ARHGAP10: variants seen among roughly 807,000 people sequenced by gnomAD.
ARHGAP10 encodes Rho GTPase activating protein 10, also known as rho GTPase-activating protein 10.
ARHGAP10 carries 87 observed loss-of-function variants against 108.6 expected under a neutral mutation model. The ratio of observed to expected loss-of-function variants is 0.80; its 90% CI spans 0.67 to 0.96. The LOEUF is 0.96. Among genes scored for constraint, ARHGAP10 ranks in the 40% least tolerant of loss-of-function variants. ARHGAP10 has a pLI of 0.00. For missense variants in ARHGAP10, 939 were observed against 954.5 expected (o/e 0.98, Z 0.21); for synonymous variants, 347 against 341.1 (o/e 1.02, Z -0.19).
At chr4:147,772,033 G>T (rs1201621623) in intron 1 of ARHGAP10, among the ~76,000 whole-genome samples, 1 of 152,142 alleles carries the variant, frequency 6.6e-6, no homozygotes, top group East Asian at 1.9e-4. Context: ...CTCGGGATCT[G>T]CCCTCCTCGG....
chr4:147,924,120 C>T (rs1737355942), intron 13 of ARHGAP10, among the ~76,000 whole-genome samples: 1 of 152,196 alleles, frequency 6.6e-6, no homozygotes, highest in Admixed American at 6.5e-5. Flanking sequence ...AATCCAGGCA[C>T]ATCAGGACTG....
chr4:148,032,599 GAT>G (rs1010657704), intron 19 of ARHGAP10, among the ~76,000 whole-genome samples: 1 of 152,154 alleles, frequency 6.6e-6, no homozygotes, highest in Non-Finnish European at 1.5e-5. Context: ...GCTCTAAAGA[GAT>G]AGAATGAATA....
At chr4:147,874,020 T>G (rs1415212688) in intron 7 of ARHGAP10, among the ~76,000 whole-genome samples, 2 of 151,894 alleles carry the variant, frequency 1.3e-5, no homozygotes, top group Non-Finnish European at 2.9e-5. Context: ...GCTCTTAGTT[T>G]GTGTTTAAAA....
At chr4:147,852,918 C>T (rs147337502) in intron 4 of ARHGAP10, among the ~76,000 whole-genome samples, 1 of 151,920 alleles carries the variant, frequency 6.6e-6, no homozygotes, top group South Asian at 2.1e-4. Context: ...GGGGGTTTCA[C>T]CATGTTGGTC....
chr4:147,886,812 C>T (rs760024045), intron 10 of ARHGAP10, among the ~76,000 whole-genome samples: 17 of 152,142 alleles, frequency 1.1e-4, no homozygotes, highest in Non-Finnish European at 2.5e-4. Flanking sequence ...GCTCTGTCAC[C>T]CAGGCTGGAG....
chr4:147,885,293 C>A (rs1274565629), intron 10 of ARHGAP10, among the ~76,000 whole-genome samples: 6 of 152,012 alleles, frequency 3.9e-5, no homozygotes, highest in Admixed American at 3.9e-4. Context: ...GTTGGGGAGG[C>A]CTCATAATCA....
At chr4:148,063,081 ATGT>A in intron 20 of ARHGAP10, 64 bp from the exon 21 acceptor site, 1 of 1,561,806 alleles carries the variant, frequency 6.4e-7, no homozygotes, top group Non-Finnish European at 8.8e-7. Flanking sequence ...TGGGATTGGG[ATGT>A]TGTGCATTTC....
chr4:147,900,637 T>C (rs1479941359), intron 10 of ARHGAP10, among the ~76,000 whole-genome samples: 1 of 152,190 alleles, frequency 6.6e-6, no homozygotes, highest in Non-Finnish European at 1.5e-5. Context: ...GGCAGTGTTC[T>C]CAGCTGAACC....
chr4:147,762,499 C>CTTATTTATTTATTTTAT (rs1553946988), intron 1 of ARHGAP10, among the ~76,000 whole-genome samples: 2 of 147,974 alleles, frequency 1.4e-5, no homozygotes, highest in African/African-American at 5.0e-5. Flanking sequence ...AAGATAATTG[C>CTTATTTATTTATTTTAT]TTATTTATTT....
rs1240174431 is a variant in ARHGAP10, at chr4:147,864,879, T to G, written c.520T>G (p.Phe174Val). 1.2e-6 allele frequency: 2 copies of G among 1,614,092 alleles called. No homozygotes were observed. Among genetic ancestry groups the G allele is most frequent in the Non-Finnish European group, 1.7e-6 (2 of 1,179,970 alleles). Residue 174 changes from phenylalanine to valine, a missense_variant, in exon 6 of 23, where the codon TTC becomes GTC. Phe to Val is a conservative substitution (Grantham distance 50). Coordinates refer to ENST00000336498, the MANE Select transcript of ARHGAP10 (RefSeq NM_024605.4). ...DIQVEQNRQH[F>V]YELSLEYVCK... ...CCAAGTAGAGCAGAACCGGCAACAC[T>G]TCTATGAACTGTCTCTCGAGTATGT...
rs145509889 is a variant in ARHGAP10 at position 147,893,190 on chromosome 4, C to T, written c.1034+11258C>T. Among the ~76,000 whole-genome samples, 1,354 of 152,048 alleles carry T rather than the reference C, an allele frequency of 8.9e-3. 19 individuals are homozygous for T. The highest frequency in any genetic ancestry group is 0.029 in the African/African-American group (1,208 of 41,478). On this transcript the variant is annotated intron_variant, in intron 10 of 22. Transcript: ENST00000336498. ...TCTCCTGCCTCAGCCTCCTGAGTAG[C>T]TGGGATTACAGGTGTGAGCCACCAT...
intron 1 of ARHGAP10, among the ~76,000 whole-genome samples, chr4:147,762,482 CA>C (rs955553685): frequency 2.0e-5 from 3 of 147,350 alleles, no homozygotes; most frequent in African/African-American, 7.5e-5. Context: ...GGTGAACTAG[CA>C]AAAAAAAGAT....
intron 1 of ARHGAP10, among the ~76,000 whole-genome samples, chr4:147,791,888 C>A (rs1203993804): frequency 6.6e-6 from 1 of 152,182 alleles, no homozygotes; most frequent in Non-Finnish European, 1.5e-5. Flanking sequence ...CCCAGCCTGT[C>A]CTACAGTGTC....
At chr4:147,948,979 C>CA (rs564911421) in intron 15 of ARHGAP10, among the ~76,000 whole-genome samples, 6,024 of 148,706 alleles carry the variant, frequency 0.041, 129 homozygotes, top group African/African-American at 0.047. Context: ...AAAAAAAAAA[C>CA]AAAAAAACCC....
intron 10 of ARHGAP10, among the ~76,000 whole-genome samples, chr4:147,901,963 C>T (rs17024113): frequency 0.032 from 4,853 of 152,218 alleles, 188 homozygotes; most frequent in African/African-American, 0.093. Context: ...AGGCTCATGG[C>T]CGACTTTGAG....
At chr4:148,018,698 T>C (rs1200135777) in intron 18 of ARHGAP10, among the ~76,000 whole-genome samples, 1 of 152,212 alleles carries the variant, frequency 6.6e-6, no homozygotes, top group Non-Finnish European at 1.5e-5. Context: ...CCCATTTTAC[T>C]CTTTCTAAAC....
intron 9 of ARHGAP10, 106 bp from the exon 10 acceptor site, chr4:147,881,732 G>A: frequency 1.2e-6 from 1 of 853,918 alleles, no homozygotes; most frequent in South Asian, 1.7e-5. Flanking sequence ...TAAAGAGAAG[G>A]ACTTAAGATC....
At chr4:147,860,576 C>T (rs1218963984) in intron 5 of ARHGAP10, among the ~76,000 whole-genome samples, 3 of 151,504 alleles carry the variant, frequency 2.0e-5, no homozygotes, top group Non-Finnish European at 4.4e-5. Flanking sequence ...CTTCTACCTC[C>T]ATCCACACCC....
At chr4:147,904,488 T>G (rs979979244) in intron 10 of ARHGAP10, among the ~76,000 whole-genome samples, 1 of 150,672 alleles carries the variant, frequency 6.6e-6, no homozygotes, top group Non-Finnish European at 1.5e-5. Flanking sequence ...CAGTGTTTGG[T>G]TTTTTGTCCT....
Sources: gnomAD v4.1 joint callset for allele counts (sites outside exome capture counted in the v4.1 genomes callset) on GRCh38, gnomAD v4.1.1 for gene constraint, MANE v1.5 for transcripts, NCBI Gene and HGNC (gene_info 2026-07-23, HGNC 2026-07-21) for gene names.